Variants in GNB4 observed in about 807,000 individuals in gnomAD.
The protein encoded by GNB4 is G protein subunit beta 4, also known as guanine nucleotide-binding protein subunit beta-4.
Under a neutral mutation model 45.2 loss-of-function variants are expected in GNB4, and 28 were observed. The observed-to-expected ratio is 0.62, with a 90% confidence interval of 0.46 to 0.85. The LOEUF (loss-of-function observed/expected upper bound fraction) is 0.85. Among genes scored for constraint, GNB4 ranks in the 40% least tolerant of loss-of-function variants. The pLI, the probability that GNB4 is intolerant of heterozygous loss-of-function variation, is 0.00. For missense variants in GNB4, 321 were observed against 425.4 expected, an observed-to-expected ratio of 0.75 and a Z score of 2.16; for synonymous variants, 132 against 143.7, an observed-to-expected ratio of 0.92 and a Z score of 0.58.
chr3:179,502,228 C>CTTTTTTTTTTTTTT, the GNB4 span, among the ~76,000 whole-genome samples: 172 of 73,380 alleles, frequency 2.3e-3, no homozygotes, highest in Non-Finnish European at 2.7e-3. Context: ...TTTTTCTTTT[C>CTTTTTTTTTTTTTT]TTTTTTTTTT....
intron 9 of GNB4, among the ~76,000 whole-genome samples, chr3:179,404,614 G>A (rs1375999399): frequency 6.6e-6 from 1 of 152,192 alleles, no homozygotes; most frequent in Non-Finnish European, 1.5e-5. Context: ...GGTTGGGGAT[G>A]AAGCAACTGC....
At chr3:179,424,778 T>C (rs957837984) in intron 2 of GNB4, among the ~76,000 whole-genome samples, 5 of 152,034 alleles carry the variant, frequency 3.3e-5, no homozygotes, top group African/African-American at 1.2e-4. Context: ...CTAACGTTTT[T>C]TTGTTTGTTT....
chr3:179,413,227 T>C (rs1354551991), intron 8 of GNB4, among the ~76,000 whole-genome samples, 185 bp downstream of exon 8: 1 of 151,878 alleles, frequency 6.6e-6, no homozygotes, highest in Non-Finnish European at 1.5e-5. Flanking sequence ...ACAAAAAAGA[T>C]CTAGGACTAT....
chr3:179,493,642 G>A, the GNB4 span, among the ~76,000 whole-genome samples: 2 of 151,868 alleles, frequency 1.3e-5, no homozygotes, highest in African/African-American at 4.8e-5. Context: ...GAGGAAAGGA[G>A]GAAAAGCTTA....
At chr3:179,512,191 A>G in the GNB4 span, among the ~76,000 whole-genome samples, 111,748 of 152,050 alleles carry the variant, frequency 0.73, 41,348 homozygotes, top group East Asian at 0.98. Context: ...CTGACATCAA[A>G]GTGAGGTTGC....
At chr3:179,518,490 G>C in the GNB4 span, among the ~76,000 whole-genome samples, 1 of 151,752 alleles carries the variant, frequency 6.6e-6, no homozygotes, top group Admixed American at 6.6e-5. Flanking sequence ...CTACAGACCC[G>C]TCTGACCTCT....
chr3:179,471,069 C>T, the GNB4 span, among the ~76,000 whole-genome samples: 692 of 151,894 alleles, frequency 4.6e-3, 7 homozygotes, highest in African/African-American at 0.016. Flanking sequence ...GTCCCAGCTA[C>T]TCGGCAGGCT....
intron 2 of GNB4, 139 bp downstream of exon 2, chr3:179,426,005 C>G: frequency 1.5e-6 from 1 of 656,068 alleles, no homozygotes; most frequent in South Asian, 1.9e-5. Context: ...GACCTCAGTT[C>G]TTACTTCGCC....
the GNB4 span, among the ~76,000 whole-genome samples, chr3:179,462,447 G>GA: frequency 6.6e-6 from 1 of 152,190 alleles, no homozygotes; most frequent in African/African-American, 2.4e-5. Context: ...TATGAGGTTA[G>GA]AAAAACCTAA....
intron 1 of GNB4, among the ~76,000 whole-genome samples, chr3:179,440,730 T>C (rs140247248): frequency 6.6e-6 from 1 of 152,308 alleles, no homozygotes; most frequent in East Asian, 1.9e-4. Flanking sequence ...GTAAATTCCA[T>C]TACCCAGTAA....
chr3:179,485,718 C>T, the GNB4 span, among the ~76,000 whole-genome samples: 1 of 150,208 alleles, frequency 6.7e-6, no homozygotes, highest in African/African-American at 2.5e-5. Context: ...AGGTGGGTGG[C>T]TTACTTGAGC....
chr3:179,483,620 G>A, the GNB4 span, among the ~76,000 whole-genome samples: 1 of 152,058 alleles, frequency 6.6e-6, no homozygotes, highest in African/African-American at 2.4e-5. Context: ...AGCAATCATT[G>A]AAATCACAAA....
intron 1 of GNB4, among the ~76,000 whole-genome samples, chr3:179,448,125 G>T (rs370017825): frequency 6.6e-6 from 1 of 152,202 alleles, no homozygotes; most frequent in Non-Finnish European, 1.5e-5. Flanking sequence ...GGCAGATAAG[G>T]AGTAGAGACA....
At chr3:179,488,123 C>G in the GNB4 span, among the ~76,000 whole-genome samples, 1 of 152,050 alleles carries the variant, frequency 6.6e-6, no homozygotes, top group South Asian at 2.1e-4. Flanking sequence ...GTTCCAAAAG[C>G]CATCACTACA....
At chr3:179,426,089 T>C (rs1715139530) in intron 2 of GNB4, 55 bp downstream of exon 2, 12 of 1,398,744 alleles carry the variant, frequency 8.6e-6, no homozygotes, top group Non-Finnish European at 1.2e-5. Flanking sequence ...TAGGCAAATT[T>C]TGTAGATTCC....
intron 1 of GNB4, among the ~76,000 whole-genome samples, chr3:179,430,071 G>GAC (rs1715262590): frequency 5.6e-5 from 8 of 142,258 alleles, no homozygotes; most frequent in East Asian, 4.3e-4. Flanking sequence ...GACTGAGAGA[G>GAC]AGACAGACAG....
In GNB4 at chr3:179,399,092, C is replaced by G. The variant is rs1220288239; in HGVS notation, c.*2121G>C. The G allele has an allele frequency of 2.0e-5, 3 of 152,162 alleles. No individual in the cohort carries two copies. The highest frequency in any genetic ancestry group is 7.2e-5 in the African/African-American group (3 of 41,420). 9.4% of individuals were successfully genotyped at this position (152,162 alleles called of 1,614,324 possible). The stretch of plus-strand genomic sequence containing the variant: ...CCTACATGGCAAACTTTCCCCAACC[C>G]TCTTTTTCTGGAAATGAATACATTC... On this transcript the variant is annotated 3_prime_UTR_variant, in exon 10 of 10. Coordinates refer to ENST00000232564, the MANE Select transcript of GNB4 (RefSeq NM_021629.4).
the GNB4 span, among the ~76,000 whole-genome samples, chr3:179,492,743 G>A: frequency 6.6e-6 from 1 of 152,026 alleles, no homozygotes; most frequent in Admixed American, 6.5e-5. Flanking sequence ...GAAACCCAGT[G>A]TTGCTGTGGC....
At chr3:179,413,387 T>C (rs375864239) in intron 8 of GNB4, 25 bp downstream of exon 8, 12 of 1,585,434 alleles carry the variant, frequency 7.6e-6, no homozygotes, top group Admixed American at 1.7e-5. Flanking sequence ...ATAATAAATT[T>C]TCTCTAGAAA....
Sources: gnomAD v4.1 joint callset for allele counts (sites outside exome capture counted in the v4.1 genomes callset) on GRCh38, gnomAD v4.1.1 for gene constraint, MANE v1.5 for transcripts, NCBI Gene and HGNC (gene_info 2026-07-23, HGNC 2026-07-21) for gene names.